The following TSHZ2 variants were observed in gnomAD, a reference collection of about 807,000 sequenced individuals.
TSHZ2 encodes the protein teashirt homolog 2.
In TSHZ2, 21 loss-of-function variants were observed where a neutral mutation model predicts 74.4. The ratio of observed to expected loss-of-function variants is 0.28; its 90% CI spans 0.20 to 0.41. The LOEUF (loss-of-function observed/expected upper bound fraction) is 0.41, where lower values mean the gene tolerates loss of function less well. TSHZ2 is among the 10% of genes least tolerant of loss of function. The pLI, the probability that TSHZ2 is intolerant of heterozygous loss-of-function variation, is 1.00. For missense variants in TSHZ2, 1,244 were observed against 1,293.5 expected, an observed-to-expected ratio of 0.96 and a Z score of 0.59; for synonymous variants, 540 against 515.3, an observed-to-expected ratio of 1.05 and a Z score of -0.65.
intron 1 of TSHZ2, among the ~76,000 whole-genome samples, chr20:53,003,999 G>A (rs1294085368): frequency 6.6e-6 from 1 of 151,816 alleles, no homozygotes; most frequent in East Asian, 1.9e-4. Flanking sequence ...AAAGTTCAGG[G>A]GAGTTCATAT....
chr20:53,279,814 G>C (rs1009399446), intron 2 of TSHZ2, among the ~76,000 whole-genome samples: 2 of 152,162 alleles, frequency 1.3e-5, no homozygotes, highest in Non-Finnish European at 2.9e-5. Flanking sequence ...AATTTACTTT[G>C]GGTGCTCCAG....
In TSHZ2 at chr20:53,254,917, C is replaced by T; in HGVS notation, c.1459C>T (p.Pro487Ser). 1 of 1,613,790 alleles carries T rather than the reference C, an allele frequency of 6.2e-7. No individual in the cohort carries two copies. The highest frequency in any genetic ancestry group is 8.5e-7 in the Non-Finnish European group (1 of 1,179,950). Residue 487 changes from proline (P) to serine (S), a missense_variant, in exon 2 of 3, where the codon CCT becomes TCT. Transcript: ENST00000371497. ...CGTGAAAAGCGAGGACTATGAAGAT[C>T]CTCTACAAAAACCTTTAGACCCTAC... The part of the protein sequence containing the change: ...KVVKSEDYED[P>S]LQKPLDPTIK...
At chr20:53,158,003 T>C (rs899998882) in intron 1 of TSHZ2, among the ~76,000 whole-genome samples, 1 of 152,068 alleles carries the variant, frequency 6.6e-6, no homozygotes, top group African/African-American at 2.4e-5. Context: ...GAGTGGGGGA[T>C]TGTGAATTGC....
At chr20:52,991,740 A>T (rs1417483284) in intron 1 of TSHZ2, among the ~76,000 whole-genome samples, 2 of 129,170 alleles carry the variant, frequency 1.5e-5, no homozygotes, top group East Asian at 4.7e-4. Context: ...AGAGAGTGTG[A>T]AAAGCTTTTC....
chr20:53,139,370 T>C (rs1223121741), intron 1 of TSHZ2, among the ~76,000 whole-genome samples: 4 of 152,216 alleles, frequency 2.6e-5, no homozygotes, highest in Non-Finnish European at 5.9e-5. Flanking sequence ...CCAGACTATC[T>C]CGATTTTTCC....
intron 2 of TSHZ2, among the ~76,000 whole-genome samples, chr20:53,427,998 C>G (rs1248634235): frequency 6.6e-6 from 1 of 152,194 alleles, no homozygotes; most frequent in Non-Finnish European, 1.5e-5. Flanking sequence ...TCCAAATTAT[C>G]TGATTTGGCA....
chr20:53,386,881 C>CT (rs11394393), intron 2 of TSHZ2, among the ~76,000 whole-genome samples: 78,829 of 148,674 alleles, frequency 0.53, 23,695 homozygotes, highest in Non-Finnish European at 0.7. Context: ...CTCACCTAGC[C>CT]TTTTTTTTTT....
chr20:53,475,704 A>C (rs1346127416), intron 2 of TSHZ2, among the ~76,000 whole-genome samples: 2 of 139,650 alleles, frequency 1.4e-5, no homozygotes, highest in East Asian at 2.2e-4. Context: ...CCTTCAAAAA[A>C]TTAATGAATC....
At chr20:53,050,105 A>ATG (rs1568736173) in intron 1 of TSHZ2, among the ~76,000 whole-genome samples, 2 of 28,148 alleles carry the variant, frequency 7.1e-5, no homozygotes, top group African/African-American at 3.9e-4. Context: ...ATATGTGTGT[A>ATG]TATATATATA....
chr20:52,977,828 C>T (rs1052615059), intron 1 of TSHZ2, among the ~76,000 whole-genome samples: 1 of 152,276 alleles, frequency 6.6e-6, no homozygotes, highest in Middle Eastern at 3.4e-3. Flanking sequence ...TGTAAGGGAG[C>T]AGGGGCTCCG....
chr20:53,128,899 C>T (rs1280379960), intron 1 of TSHZ2, among the ~76,000 whole-genome samples: 1 of 152,118 alleles, frequency 6.6e-6, no homozygotes, highest in Non-Finnish European at 1.5e-5. Context: ...GGATTACAGG[C>T]ATAAGCCACC....
At chr20:52,980,768 G>C (rs1981534236) in intron 1 of TSHZ2, among the ~76,000 whole-genome samples, 1 of 152,150 alleles carries the variant, frequency 6.6e-6, no homozygotes, top group Non-Finnish European at 1.5e-5. Flanking sequence ...TGACATGGGA[G>C]ATACAAAAAT....
At chr20:53,154,988 T>TG (rs747915495) in intron 1 of TSHZ2, among the ~76,000 whole-genome samples, 14 of 150,608 alleles carry the variant, frequency 9.3e-5, no homozygotes, top group Non-Finnish European at 1.6e-4. Flanking sequence ...CGATGTAAGT[T>TG]GAAAAAAAAA....
At chr20:53,455,132 C>T (rs1985002422) in intron 2 of TSHZ2, 1 of 152,186 alleles carries the variant, frequency 6.6e-6, no homozygotes, top group Non-Finnish European at 1.5e-5. Flanking sequence ...CTTGTTGTCT[C>T]AGTGGTTGGC....
In TSHZ2 at chr20:53,411,665, T is replaced by TA. The variant is rs985420176; in HGVS notation, c.*9-75473dup. On this transcript the variant is annotated intron_variant, in intron 2 of 2. Coordinates refer to ENST00000371497, the MANE Select transcript of TSHZ2 (RefSeq NM_173485.6). ...GCAACATAGTGAGACCTCGTCTCTA[T>TA]AAAAAACTTAAAAATTGGACAGGTA... Among the ~76,000 whole-genome samples, 6 of 152,104 alleles carry TA rather than the reference T, an allele frequency of 3.9e-5. No homozygotes were observed. The East Asian group carries it at 5.8e-4, about 15-fold the overall frequency.
At chr20:53,239,472 A>G (rs1379686575) in intron 1 of TSHZ2, among the ~76,000 whole-genome samples, 1 of 152,198 alleles carries the variant, frequency 6.6e-6, no homozygotes, top group Non-Finnish European at 1.5e-5. Flanking sequence ...TGCTGGGCAT[A>G]TAAAGATAAA....
At chr20:53,238,965 G>A (rs763728822) in intron 1 of TSHZ2, among the ~76,000 whole-genome samples, 2 of 151,498 alleles carry the variant, frequency 1.3e-5, no homozygotes, top group African/African-American at 2.4e-5. Flanking sequence ...GAGCACTCCC[G>A]CCAAGATGGC....
chr20:53,113,730 G>A (rs529446068), intron 1 of TSHZ2, among the ~76,000 whole-genome samples: 2 of 152,264 alleles, frequency 1.3e-5, no homozygotes, highest in South Asian at 2.1e-4. Context: ...GTCCTTAAGC[G>A]TAGGTTAATC....
intron 1 of TSHZ2, among the ~76,000 whole-genome samples, chr20:53,005,799 T>C (rs963017202): frequency 3.3e-5 from 5 of 152,192 alleles, no homozygotes; most frequent in Admixed American, 6.5e-5. Flanking sequence ...GCTGATGTGT[T>C]TGGTGACCTC....
Sources: allele counts gnomAD v4.1 joint callset (sites outside exome capture counted in the v4.1 genomes callset), GRCh38; gene constraint gnomAD v4.1.1; transcripts MANE v1.5; gene names NCBI Gene and HGNC (gene_info 2026-07-23, HGNC 2026-07-21).